The following TICRR variants were observed in gnomAD, a reference collection of about 807,000 sequenced individuals.
The protein encoded by TICRR is treslin.
Under a neutral mutation model 178.1 loss-of-function variants are expected in TICRR, and 132 were observed. The ratio of observed to expected loss-of-function variants is 0.74; its 90% CI spans 0.64 to 0.86. TICRR has a LOEUF of 0.86. Among genes scored for constraint, TICRR ranks in the 40% least tolerant of loss-of-function variants. The pLI, the probability that TICRR is intolerant of heterozygous loss-of-function variation, is 0.00. For synonymous variants in TICRR, 991 were observed against 900.7 expected, an observed-to-expected ratio of 1.10 and a Z score of -1.79; for missense variants, 2,587 against 2,334.3, an observed-to-expected ratio of 1.11 and a Z score of -2.23.
intron 17 of TICRR, among the ~76,000 whole-genome samples, chr15:89,618,964 ATAAAAT>A (rs1436092739): frequency 5.9e-5 from 9 of 152,200 alleles, no homozygotes; most frequent in Admixed American, 4.6e-4. Context: ...TCTCTAAAAA[ATAAAAT>A]AATAAAAGTA....
intron 2 of TICRR, among the ~76,000 whole-genome samples, chr15:89,583,664 A>G (rs906224948): frequency 6.6e-6 from 1 of 151,984 alleles, no homozygotes; most frequent in Non-Finnish European, 1.5e-5. Flanking sequence ...AGTAGTAAAC[A>G]TTGCTTGAAT....
intron 4 of TICRR, among the ~76,000 whole-genome samples, chr15:89,590,624 G>A (rs1336868170): frequency 6.6e-6 from 1 of 152,114 alleles, no homozygotes; most frequent in African/African-American, 2.4e-5. Context: ...TTCATGCATT[G>A]GTACCTAGCC....
chr15:89,586,395 A>G (rs1962824511), intron 4 of TICRR, among the ~76,000 whole-genome samples: 2 of 151,966 alleles, frequency 1.3e-5, no homozygotes, highest in Admixed American at 1.3e-4. Flanking sequence ...TATTTCTTTA[A>G]TTCATTCATT....
At chr15:89,598,615 C>T (rs1428121886) in intron 7 of TICRR, among the ~76,000 whole-genome samples, 6 of 152,060 alleles carry the variant, frequency 3.9e-5, no homozygotes, top group African/African-American at 7.2e-5. Flanking sequence ...CCACCCACCT[C>T]GGCCTCCCAA....
chr15:89,625,729 C>T lies in TICRR; in HGVS notation c.5419C>T (p.Pro1807Ser). Residue 1807 changes from proline to serine, a missense_variant, in exon 20 of 22, where the codon CCA (proline) becomes TCA (serine). Physicochemically the swap from Pro to Ser is moderately conservative, Grantham distance 74 (BLOSUM62 -1). Coordinates refer to ENST00000268138, the MANE Select transcript of TICRR (RefSeq NM_152259.4). The stretch of plus-strand genomic sequence containing the variant: ...AGTTAGTAAGAGTAAAGAGGGGTCT[C>T]CAAGTTGGAGTGCATGGCAGCTACC... ...SEVSKSKEGSPSWSAWQLPST... is the reference protein window; with the variant it reads ...SEVSKSKEGSSSWSAWQLPST... 1.9e-6 allele frequency: 3 copies of T among 1,613,174 alleles called. No homozygotes were observed. Among genetic ancestry groups the T allele is most frequent in the South Asian group, 2.2e-5 (2 of 91,064 alleles).
chr15:89,589,162 C>G (rs902199504), intron 4 of TICRR, among the ~76,000 whole-genome samples: 2 of 151,986 alleles, frequency 1.3e-5, no homozygotes, highest in East Asian at 3.9e-4. Context: ...GGATGGGAGA[C>G]GGAAGGAGCA....
chr15:89,615,980 G>C (rs1395502284), intron 15 of TICRR, among the ~76,000 whole-genome samples: 7 of 151,840 alleles, frequency 4.6e-5, no homozygotes, highest in Non-Finnish European at 4.4e-5. Context: ...TGCCTCCTGG[G>C]TTCAAGTGAT....
intron 8 of TICRR, 90 bp from the exon 9 acceptor site, chr15:89,600,495 G>A (rs1263071607): frequency 3.7e-6 from 2 of 544,976 alleles, no homozygotes; most frequent in African/African-American, 2.0e-5. Flanking sequence ...AGTTTATAAG[G>A]GAATATATTT....
rs900849925 is a variant in TICRR, at chr15:89,600,642, C to G, written c.2110C>G (p.Gln704Glu). 2 of 1,595,858 alleles carry G rather than the reference C, an allele frequency of 1.3e-6. No homozygotes were observed. Among genetic ancestry groups the G allele is most frequent in the Admixed American group, 1.7e-5 (1 of 57,290 alleles). ...CTTAAAAACTAGTAAAAGTCTTCGA[C>G]AGAATCTAGGAAAAAAACTGGATAA... The part of the protein sequence containing the change: ...SLLKTSKSLR[Q>E]NLGKKLDKED... Residue 704 changes from glutamine (Q) to glutamate (E), a missense_variant, in exon 9 of 22, where the codon CAG (glutamine) becomes GAG (glutamate). Physicochemically the swap from Gln to Glu is conservative, Grantham distance 29 (BLOSUM62 2). Transcript: ENST00000268138.
intron 1 of TICRR, among the ~76,000 whole-genome samples, chr15:89,578,118 C>G (rs911291906): frequency 3.3e-5 from 5 of 151,944 alleles, no homozygotes; most frequent in East Asian, 1.9e-4. Flanking sequence ...CAGGAGAGGC[C>G]GATCTGTAGG....
rs71151515 is a variant in TICRR at position 89,601,048 on chromosome 15, GAAAAAAAA to G, written c.2154-234_2154-227del. ...GCAACAGAGCAAGACCCTGTCTCAGGAAAAAAAAAAAAAAAAAAAAAAAGATTACCAAC... is the reference window on the plus strand; with the variant it reads ...GCAACAGAGCAAGACCCTGTCTCAGGAAAAAAAAAAAAAAAGATTACCAAC... On this transcript the variant is annotated intron_variant, in intron 9 of 21. Transcript: ENST00000268138. 7.2e-3 allele frequency among the ~76,000 whole-genome samples: 538 copies of G among 74,818 alleles called. 4 individuals carry two copies. The highest frequency in any genetic ancestry group is 9.3e-3 in the Non-Finnish European group (398 of 42,680). 49.1% of individuals were successfully genotyped at this position (74,818 alleles called of 152,430 possible). A position where few individuals can be genotyped will look rare whatever the true frequency, so the allele number is the denominator to read the frequency against.
intron 15 of TICRR, among the ~76,000 whole-genome samples, chr15:89,612,057 T>G (rs1193992432): frequency 1.3e-5 from 2 of 152,250 alleles, no homozygotes; most frequent in Non-Finnish European, 2.9e-5. Flanking sequence ...AGTTTTTTGT[T>G]GAGGACTAGT....
rs1326574662 is a variant in TICRR, at chr15:89,582,372, G to T, written c.655-314G>T. On this transcript the variant is annotated intron_variant, in intron 1 of 21. Coordinates refer to ENST00000268138, the MANE Select transcript of TICRR (RefSeq NM_152259.4). ...TTTTATTAATGTATAATGGTTCTAT[G>T]TTCCTTCTAACATTTTATGATCTAT... The T allele has an allele frequency of 2.3e-5, 5 of 216,364 alleles. No homozygotes were observed. In the East Asian group the frequency reaches 3.3e-4, roughly 14 times the overall value. The allele number at this position is 216,364 out of a possible 1,614,324, so 13.4% of individuals were successfully genotyped here. A position where few individuals can be genotyped will look rare whatever the true frequency, so the allele number is the denominator to read the frequency against.
In TICRR at chr15:89,600,677, A is replaced by G; in HGVS notation, c.2145A>G (p.Lys715=). 6.6e-7 allele frequency: 1 copy of G among 1,526,136 alleles called. No homozygotes were observed. Among genetic ancestry groups the G allele is most frequent in the Non-Finnish European group, 9.0e-7 (1 of 1,111,104 alleles). The allele number at this position is 1,526,136 out of a possible 1,614,324, so 94.5% of individuals were successfully genotyped here. ...NLGKKLDKED[K]VRECQLQVFL... is the part of the protein sequence containing the mutation. ...GAAAAAAACTGGATAAGGAAGACAA[A>G]GTTAGAGAGTAAGTAACTACCATTT... Residue 715 remains lysine, a synonymous_variant, in exon 9 of 22, where the codon AAA becomes AAG. Coordinates refer to ENST00000268138, the MANE Select transcript of TICRR (RefSeq NM_152259.4).
chr15:89,615,755 G>A (rs1203474357), intron 15 of TICRR, among the ~76,000 whole-genome samples: 3 of 152,122 alleles, frequency 2.0e-5, no homozygotes, highest in African/African-American at 7.2e-5. Flanking sequence ...TAACATTTAT[G>A]TGGCATATCG....
chr15:89,583,246 G>T (rs1388854841), intron 2 of TICRR, among the ~76,000 whole-genome samples: 1 of 152,180 alleles, frequency 6.6e-6, no homozygotes, highest in Non-Finnish European at 1.5e-5. Context: ...TTATTCAGGT[G>T]CCCAAGCACA....
Position 89,624,743 on chromosome 15 carries a change from TGAAAA to T in TICRR, c.4435_4439del (p.Lys1479Ter). The T allele has an allele frequency of 6.2e-7, 1 of 1,614,168 alleles. No individual in the cohort carries two copies. The highest frequency in any genetic ancestry group is 1.1e-5 in the South Asian group (1 of 91,088). On this transcript the variant is annotated frameshift_variant, in exon 20 of 22. Transcript: ENST00000268138. LOFTEE classifies it high-confidence loss of function. Reference sequence around the variant, plus strand: ...GCCGAACACCATGGCATTGGTGACTTGAAAAGTAACGTCTTATCAGTGGAAGAGGG... The same window carrying T: ...GCCGAACACCATGGCATTGGTGACTTGTAACGTCTTATCAGTGGAAGAGGG...
chr15:89,626,016 C>G lies in TICRR; in HGVS notation c.5557C>G (p.Leu1853Val). ...ALQALTQSPL[L>V]FQGKTPSSQS... ...CCAGGCTCTGACCCAGTCTCCGCTG[C>G]TGTTCCAGGGGAAAACACCTTCCTC... The change falls in exon 21 of 22, where the codon CTG (leucine) becomes GTG (valine). Residue 1853 changes from leucine (L) to valine (V), a missense_variant. By Grantham distance (32) the Leu-to-Val change is conservative. Coordinates refer to ENST00000268138, the MANE Select transcript of TICRR (RefSeq NM_152259.4). 6.2e-7 allele frequency: 1 copy of G among 1,613,670 alleles called. No homozygotes were observed. Among genetic ancestry groups the G allele is most frequent in the Admixed American group, 1.7e-5 (1 of 59,940 alleles).
rs1962814145 is a variant in TICRR, at chr15:89,585,889, T to G, written c.1358T>G (p.Val453Gly). 1 of 1,614,038 alleles carries G rather than the reference T, an allele frequency of 6.2e-7. No individual in the cohort carries two copies. The highest frequency in any genetic ancestry group is 1.1e-5 in the South Asian group (1 of 91,074). ...RDTASLFSDV[V>G]DSILNQTHDS... ...ACAGCTTCCCTTTTCTCAGATGTTGTGGATAGTATATTGAATCAGACTCAT... is the reference window on the plus strand; with the variant it reads ...ACAGCTTCCCTTTTCTCAGATGTTGGGGATAGTATATTGAATCAGACTCAT... The change falls in exon 4 of 22, where the codon GTG becomes GGG. Residue 453 changes from valine (V) to glycine (G), a missense_variant. Physicochemically the swap from Val to Gly is moderately radical, Grantham distance 109. Coordinates refer to ENST00000268138, the MANE Select transcript of TICRR (RefSeq NM_152259.4).
Sources: allele counts gnomAD v4.1 joint callset (sites outside exome capture counted in the v4.1 genomes callset), GRCh38; gene constraint gnomAD v4.1.1; transcripts MANE v1.5; gene names NCBI Gene and HGNC (gene_info 2026-07-23, HGNC 2026-07-21).